The following POLR1E variants were observed in gnomAD, a reference collection of about 807,000 sequenced individuals.
POLR1E encodes RNA polymerase I subunit E.
POLR1E carries 37 observed loss-of-function variants against 50.9 expected under a neutral mutation model. The ratio of observed to expected loss-of-function variants is 0.73; its 90% CI spans 0.56 to 0.96. POLR1E has a LOEUF of 0.96. POLR1E is among the 40% of genes least tolerant of loss of function. POLR1E has a pLI of 0.00. For synonymous variants in POLR1E, 166 were observed against 191.6 expected, an observed-to-expected ratio of 0.87 and a Z score of 1.10; for missense variants, 426 against 518.1, an observed-to-expected ratio of 0.82 and a Z score of 1.73.
At chr9:37,500,461 A>G (rs1298685254) in intron 9 of POLR1E, among the ~76,000 whole-genome samples, 2 of 152,226 alleles carry the variant, frequency 1.3e-5, no homozygotes, top group African/African-American at 4.8e-5. Context: ...TTGGGATTAC[A>G]GGCGTGAGCC....
chr9:37,501,400 G>T (rs1051504235), intron 10 of POLR1E, among the ~76,000 whole-genome samples: 8 of 152,222 alleles, frequency 5.3e-5, no homozygotes, highest in Non-Finnish European at 1.0e-4. Flanking sequence ...TGTTTTCCCA[G>T]CAGCCCTGCT....
chr9:37,485,948 C>T lies in POLR1E; in HGVS notation c.-100C>T, dbSNP rs1820560817. On this transcript the variant is annotated 5_prime_UTR_variant, in exon 1 of 12. Transcript: ENST00000377798. ...TGGGCGGTGCCCGGCGGGGCCACGCCTTTTCCGGCCCGCAGCGCGGCCTGG... is the reference window on the plus strand; with the variant it reads ...TGGGCGGTGCCCGGCGGGGCCACGCTTTTTCCGGCCCGCAGCGCGGCCTGG... The T allele has an allele frequency of 2.7e-6, 4 of 1,480,178 alleles. No individual in the cohort carries two copies. The highest frequency in any genetic ancestry group is 1.8e-4 in the Middle Eastern group (1 of 5,594). The allele number at this position is 1,480,178 out of a possible 1,614,324, so 91.7% of individuals were successfully genotyped here.
chr9:37,501,063 G>A, intron 10 of POLR1E, 142 bp downstream of exon 10: 2 of 763,440 alleles, frequency 2.6e-6, no homozygotes, highest in African/African-American at 1.8e-5. Context: ...AGGCTCCTGG[G>A]GCCCCAGTAA....
At position 37,493,567 on chromosome 9, in the gene POLR1E, T is replaced by C. The variant is rs144969853; in HGVS notation, c.411T>C (p.Ser137=). 9.6e-5 allele frequency: 153 copies of C among 1,600,750 alleles called. 1 individual carries two copies. The highest frequency in any genetic ancestry group is 1.3e-4 in the Non-Finnish European group (150 of 1,172,510). Residue 137 remains serine (S), a synonymous_variant, in exon 6 of 12, where the codon TCT becomes TCC. Transcript: ENST00000377798. ...GTTTATCTCATAAACAGATGGATTC[T>C]TGTATTGAAGCCTTTGGTACCACCA... The part of the protein sequence containing the change: ...QTKTYREKMD[S]CIEAFGTTKQ...
At chr9:37,496,622 TC>T (rs1564324854) in intron 8 of POLR1E, among the ~76,000 whole-genome samples, 33 of 83,064 alleles carry the variant, frequency 4.0e-4, no homozygotes, top group African/African-American at 1.7e-3. Flanking sequence ...TATTATTATT[TC>T]TTTTTTTTTT....
At chr9:37,501,894 T>C in intron 11 of POLR1E, 50 bp downstream of exon 11, 1 of 1,569,514 alleles carries the variant, frequency 6.4e-7, no homozygotes, top group South Asian at 1.2e-5. Flanking sequence ...CGATGTCTTA[T>C]TTCTGGTACC....
chr9:37,497,831 C>T (rs1392144086), intron 8 of POLR1E, among the ~76,000 whole-genome samples: 4 of 152,062 alleles, frequency 2.6e-5, no homozygotes, highest in African/African-American at 7.2e-5. Context: ...GTGGCGCAGA[C>T]AGCTCACTGG....
intron 11 of POLR1E, among the ~76,000 whole-genome samples, chr9:37,502,686 G>T (rs1420162145): frequency 2.6e-5 from 4 of 152,054 alleles, no homozygotes; most frequent in Non-Finnish European, 5.9e-5. Flanking sequence ...CAGTGAGGCT[G>T]AAAAAAAGAG....
intron 4 of POLR1E, chr9:37,492,362 T>G (rs1820700741): frequency 8.0e-7 from 1 of 1,249,730 alleles, no homozygotes; most frequent in Non-Finnish European, 1.1e-6. Context: ...CACTACCTGG[T>G]GAACTGACCT....
At chr9:37,490,564 A>AATCATCTTTCTTCAC (rs1820664823) in intron 4 of POLR1E, 2 of 726,744 alleles carry the variant, frequency 2.8e-6, no homozygotes, top group Admixed American at 3.8e-5. Context: ...GTCTTTTTCT[A>AATCATCTTTCTTCAC]ATCATCTTTC....
chr9:37,497,072 C>T (rs911057282), intron 8 of POLR1E, among the ~76,000 whole-genome samples: 6 of 152,094 alleles, frequency 3.9e-5, no homozygotes, highest in African/African-American at 1.4e-4. Flanking sequence ...AGAAACTTGC[C>T]CCGCTGGGCA....
intron 10 of POLR1E, 95 bp downstream of exon 10, chr9:37,501,016 C>A: frequency 8.2e-7 from 1 of 1,226,742 alleles, no homozygotes; most frequent in Non-Finnish European, 1.2e-6. Context: ...TCCATGTCCA[C>A]GGAGATGCAG....
At position 37,486,796 on chromosome 9, in the gene POLR1E, A is replaced by C. The variant is rs377377531; in HGVS notation, c.170A>C (p.Gln57Pro). The change falls in exon 2 of 12, where the codon CAA becomes CCA. Residue 57 changes from glutamine to proline, a missense_variant. Physicochemically the swap from Gln to Pro is moderately conservative, Grantham distance 76. Coordinates refer to ENST00000377798, the MANE Select transcript of POLR1E (RefSeq NM_022490.4). ...KDSTNPRKRNQRILAAETDRL... is the reference protein window; with the variant it reads ...KDSTNPRKRNPRILAAETDRL... ...TCCACCAACCCCAGGAAGAGGAATC[A>C]ACGGATCCTGGTAAGTGAAGCAGTT... 5 of 1,610,758 alleles carry C rather than the reference A, an allele frequency of 3.1e-6. No individual in the cohort carries two copies. The African/African-American group carries it at 6.7e-5, about 21-fold the overall frequency.
chr9:37,497,193 T>C (rs1349038155), intron 8 of POLR1E, among the ~76,000 whole-genome samples: 1 of 152,078 alleles, frequency 6.6e-6, no homozygotes, highest in Non-Finnish European at 1.5e-5. Flanking sequence ...TCATCTCTAC[T>C]AAAAATACAA....
rs781515062 is a variant in POLR1E at position 37,498,131 on chromosome 9, T to A, written c.793T>A (p.Ser265Thr). Reference protein sequence around the residue: ...FVIEALKSLPSDVESRDRQAR... With the variant: ...FVIEALKSLPTDVESRDRQAR... ...CATAGAAGCGTTGAAGTCTTTGCCA[T>A]CAGATGTGGAGAGCCGAGACCGCCA... is the stretch of plus-strand genomic sequence containing the variant. The change falls in exon 9 of 12, where the codon TCA becomes ACA. Residue 265 changes from serine to threonine, a missense_variant. By Grantham distance (58) the Ser-to-Thr change is moderately conservative. Transcript: ENST00000377798. 1.2e-6 allele frequency: 2 copies of A among 1,614,102 alleles called. No individual in the cohort carries two copies. Among genetic ancestry groups the A allele is most frequent in the South Asian group, 2.2e-5 (2 of 91,076 alleles).
Position 37,498,172 on chromosome 9 carries a change from G to A in POLR1E, c.834G>A (p.Trp278Ter). ...ESRDRQARCIWFLDTLIKFRA... is the reference protein window; with the variant it reads ...ESRDRQARCI ...GAGACCGCCAGGCCCGATGCATATG[G>A]TTTCTGGATACCCTCATCAAATTTC... Residue 278 changes from tryptophan (W) to a stop codon, truncating the protein, a stop_gained, in exon 9 of 12, where the codon TGG (tryptophan) becomes TGA (stop). Transcript: ENST00000377798. LOFTEE classifies it high-confidence loss of function. The A allele has an allele frequency of 6.2e-7, 1 of 1,614,026 alleles. No individual in the cohort carries two copies. The highest frequency in any genetic ancestry group is 1.1e-5 in the South Asian group (1 of 91,072).
intron 4 of POLR1E, chr9:37,490,823 A>G: frequency 5.1e-6 from 3 of 590,888 alleles, no homozygotes; most frequent in Non-Finnish European, 9.7e-6. Context: ...CAAAGGAACA[A>G]CTCCATGTTT....
chr9:37,490,974 G>C, intron 4 of POLR1E: 1 of 290,104 alleles, frequency 3.4e-6, no homozygotes. Flanking sequence ...GGGGTAAAGA[G>C]GTTTTAGAAT....
rs1008886134 is a variant in POLR1E at position 37,485,974 on chromosome 9, G to C, written c.-74G>C. 13 of 1,539,514 alleles carry C rather than the reference G, an allele frequency of 8.4e-6. No individual in the cohort carries two copies. The highest frequency in any genetic ancestry group is 1.4e-5 in the African/African-American group (1 of 73,118). On this transcript the variant is annotated 5_prime_UTR_variant, in exon 1 of 12. Coordinates refer to ENST00000377798, the MANE Select transcript of POLR1E (RefSeq NM_022490.4). ...TTTTCCGGCCCGCAGCGCGGCCTGG[G>C]CTCCCGCGTGTTTAAAAGTGCGCTT...
Sources: gnomAD v4.1 joint callset for allele counts (sites outside exome capture counted in the v4.1 genomes callset) on GRCh38, gnomAD v4.1.1 for gene constraint, MANE v1.5 for transcripts, NCBI Gene and HGNC (gene_info 2026-07-23, HGNC 2026-07-21) for gene names.